PDXDC1: variants seen among roughly 807,000 people sequenced by gnomAD.
The protein encoded by PDXDC1 is pyridoxal dependent decarboxylase domain containing 1.
A neutral mutation model predicts 100.1 loss-of-function variants in PDXDC1; 42 were observed. The ratio of observed to expected loss-of-function variants is 0.42; its 90% CI spans 0.33 to 0.54. PDXDC1 has a LOEUF of 0.54. PDXDC1 is among the 20% of genes least tolerant of loss of function. The probability of loss-of-function intolerance (pLI) is 0.10; values close to 1 mark genes in which losing one functional copy is unlikely to be tolerated. For synonymous variants in PDXDC1, 260 were observed against 371.7 expected, an observed-to-expected ratio of 0.70 and a Z score of 3.46; for missense variants, 636 against 979.2, an observed-to-expected ratio of 0.65 and a Z score of 4.68.
chr16:15,026,388 CCTG>C (rs1446701444), intron 13 of PDXDC1: 1 of 525,974 alleles, frequency 1.9e-6, no homozygotes, highest in Non-Finnish European at 3.3e-6. Flanking sequence ...AAAATTTCCC[CCTG>C]CTTTAATTTC....
In PDXDC1 at chr16:15,104,182, A is replaced by C. The variant is rs2046674833; in HGVS notation, c.1400-34697A>C. The C allele has an allele frequency of 5.9e-6, 5 of 848,570 alleles. No homozygotes were observed. In the South Asian group the frequency reaches 9.0e-5, roughly 15 times the overall value. The allele number at this position is 848,570 out of a possible 1,614,324, so 52.6% of individuals were successfully genotyped here. A position where few individuals can be genotyped will look rare whatever the true frequency, so the allele number is the denominator to read the frequency against. ...AGCAAACTCCAGTCTCAAAAAAAAA[A>C]ACAAATAATAATATTTTACATAACC... On this transcript the variant is annotated intron_variant, in intron 16 of 16. Transcript: ENST00000535621.
chr16:15,129,451 A>C (rs2047934728), intron 16 of PDXDC1, among the ~76,000 whole-genome samples: 1 of 152,186 alleles, frequency 6.6e-6, no homozygotes, highest in African/African-American at 2.4e-5. Context: ...AAAAAAGAAA[A>C]ACGAAAACAA....
At chr16:15,053,572 T>C (rs2044378669) in intron 16 of PDXDC1, among the ~76,000 whole-genome samples, 1 of 152,188 alleles carries the variant, frequency 6.6e-6, no homozygotes, top group Admixed American at 6.5e-5. Context: ...TTCTGTATTA[T>C]TATATTTTGC....
chr16:15,097,637 G>A (rs1420079127), intron 16 of PDXDC1, among the ~76,000 whole-genome samples: 12 of 147,790 alleles, frequency 8.1e-5, no homozygotes, highest in East Asian at 6.0e-4. Flanking sequence ...GTGAGACTCC[G>A]TCTCCAAAAA....
chr16:15,139,641 C>T (rs1256497155), downstream of PDXDC1, among the ~76,000 whole-genome samples: 2 of 151,436 alleles, frequency 1.3e-5, no homozygotes, highest in Admixed American at 1.3e-4. Flanking sequence ...ATCAGCCAGG[C>T]ATGGTGGTGT....
intron 16 of PDXDC1, among the ~76,000 whole-genome samples, chr16:15,030,544 C>CAAAAAA (rs1156634836): frequency 5.2e-5 from 2 of 38,388 alleles, no homozygotes; most frequent in Non-Finnish European, 7.9e-5. Context: ...GACTCCATCT[C>CAAAAAA]AAAAAAAAAA....
intron 16 of PDXDC1, among the ~76,000 whole-genome samples, chr16:15,055,213 G>A (rs749929874): frequency 2.0e-5 from 3 of 152,074 alleles, no homozygotes; most frequent in Non-Finnish European, 2.9e-5. Flanking sequence ...GAACCCCCTT[G>A]CCAACAGTCC....
intron 3 of PDXDC1, 45 bp from the exon 4 acceptor site, chr16:15,001,731 A>ATG: frequency 2.1e-6 from 3 of 1,447,332 alleles, no homozygotes; most frequent in Non-Finnish European, 2.8e-6. Flanking sequence ...GTGGCGGGGG[A>ATG]TGTGTGCTGT....
At chr16:15,123,077 C>CAA (rs2047518003) in intron 16 of PDXDC1, among the ~76,000 whole-genome samples, 1 of 150,630 alleles carries the variant, frequency 6.6e-6, no homozygotes, top group Non-Finnish European at 1.5e-5. Flanking sequence ...TAGAGGGAGA[C>CAA]AAAGGTTCTG....
At chr16:15,066,038 G>C (rs563860246) in intron 16 of PDXDC1, among the ~76,000 whole-genome samples, 7 of 152,270 alleles carry the variant, frequency 4.6e-5, no homozygotes, top group Admixed American at 3.3e-4. Flanking sequence ...TTATCTATTG[G>C]ACAGCTTCTC....
downstream of PDXDC1, chr16:15,039,911 C>A (rs2043732023): frequency 1.0e-6 from 1 of 990,908 alleles, no homozygotes; most frequent in Non-Finnish European, 1.6e-6. Flanking sequence ...AACTTAAGGC[C>A]TTGACATTTG....
At chr16:15,056,020 T>C in intron 16 of PDXDC1, 1 of 1,009,776 alleles carries the variant, frequency 9.9e-7, no homozygotes, top group South Asian at 4.8e-5. Flanking sequence ...GGCCCCCCGC[T>C]TTGCAGCCCC....
intron 16 of PDXDC1, chr16:15,063,100 G>A (rs1264215122): frequency 1.2e-5 from 11 of 918,832 alleles, no homozygotes; most frequent in Admixed American, 3.4e-5. Flanking sequence ...AAAGTGCGGG[G>A]ATTACACGCA....
chr16:15,133,376 A>G (rs1222025700), intron 16 of PDXDC1: 4 of 1,044,868 alleles, frequency 3.8e-6, no homozygotes, highest in Non-Finnish European at 5.8e-6. Flanking sequence ...CCAGACTGTG[A>G]GCCCCATTGC....
At chr16:15,046,662 CCGG>C in intron 16 of PDXDC1, among the ~76,000 whole-genome samples, 1 of 140,762 alleles carries the variant, frequency 7.1e-6, no homozygotes, top group Non-Finnish European at 1.5e-5. Flanking sequence ...GAGTTTAAGA[CCGG>C]CCTGGGCAAC....
At position 15,037,980 on chromosome 16, in the gene PDXDC1, A is replaced by C. The variant is rs757777333; in HGVS notation, c.*1705A>C. On this transcript the variant is annotated 3_prime_UTR_variant, in exon 23 of 23. Transcript: ENST00000396410. ...CCAGATCTGGATTCGTGCCAGCCCCACCAATGGTCTGTCAGGCCAAGAAGG... is the reference window on the plus strand; with the variant it reads ...CCAGATCTGGATTCGTGCCAGCCCCCCCAATGGTCTGTCAGGCCAAGAAGG... 2.1e-6 allele frequency: 3 copies of C among 1,424,206 alleles called. No individual in the cohort carries two copies. The highest frequency in any genetic ancestry group is 2.9e-6 in the Non-Finnish European group (3 of 1,020,366). The allele number at this position is 1,424,206 out of a possible 1,614,324, so 88.2% of individuals were successfully genotyped here. A position where few individuals can be genotyped will look rare whatever the true frequency, so the allele number is the denominator to read the frequency against.
At chr16:15,089,375 G>A (rs1476742671) in intron 16 of PDXDC1, among the ~76,000 whole-genome samples, 1 of 152,090 alleles carries the variant, frequency 6.6e-6, no homozygotes, top group South Asian at 2.1e-4. Context: ...TAGGACACAG[G>A]TAGATTTCAA....
downstream of PDXDC1, among the ~76,000 whole-genome samples, chr16:15,142,739 C>T (rs1395153663): frequency 2.0e-5 from 3 of 152,062 alleles, no homozygotes; most frequent in African/African-American, 7.2e-5. Context: ...TCGCGCCAGC[C>T]CCCCCACCCC....
chr16:15,106,753 T>C (rs2046821339), intron 16 of PDXDC1, among the ~76,000 whole-genome samples: 1 of 89,582 alleles, frequency 1.1e-5, no homozygotes, highest in Non-Finnish European at 3.0e-5. Context: ...AGACTCCATC[T>C]CAGAAAAACA....
Sources: allele counts gnomAD v4.1 joint callset (sites outside exome capture counted in the v4.1 genomes callset), GRCh38; gene constraint gnomAD v4.1.1; transcripts MANE v1.5; gene names NCBI Gene and HGNC (gene_info 2026-07-23, HGNC 2026-07-21).